The following CEP128 variants were observed in gnomAD, a reference collection of about 807,000 sequenced individuals.
CEP128 encodes the protein centrosomal protein 128kDa.
A neutral mutation model predicts 156.7 loss-of-function variants in CEP128; 132 were observed. The ratio of observed to expected loss-of-function variants is 0.84; its 90% CI spans 0.73 to 0.97. CEP128 has a LOEUF of 0.97. Ranked by LOEUF, CEP128 falls within the 50% of genes least tolerant of loss-of-function variation. The pLI is 0.00. For synonymous variants in CEP128, 469 were observed against 448.9 expected (o/e 1.04, Z -0.57); for missense variants, 1,252 against 1,281.9 (o/e 0.98, Z 0.36).
At chr14:80,597,492 T>C (rs1225682793) in intron 19 of CEP128, among the ~76,000 whole-genome samples, 1 of 152,078 alleles carries the variant, frequency 6.6e-6, no homozygotes, top group Non-Finnish European at 1.5e-5. Flanking sequence ...TTACCAAATG[T>C]TCAAAGAAGA....
intron 19 of CEP128, among the ~76,000 whole-genome samples, chr14:80,581,289 C>T (rs1891580628): frequency 6.6e-6 from 1 of 152,062 alleles, no homozygotes; most frequent in South Asian, 2.1e-4. Context: ...GAGTATTTGC[C>T]TTACTCTCTC....
At chr14:80,874,109 T>C (rs947242372) in intron 8 of CEP128, among the ~76,000 whole-genome samples, 3 of 152,172 alleles carry the variant, frequency 2.0e-5, no homozygotes, top group South Asian at 2.1e-4. Context: ...TATATCTATA[T>C]AGCAAGTGAA....
chr14:80,956,091 T>C (rs536479022), intron 2 of CEP128, among the ~76,000 whole-genome samples: 1 of 152,358 alleles, frequency 6.6e-6, no homozygotes, highest in South Asian at 2.1e-4. Flanking sequence ...AAAACTTTGG[T>C]GTACAATGAC....
intron 19 of CEP128, among the ~76,000 whole-genome samples, chr14:80,692,701 T>C (rs1566860346): frequency 1.3e-5 from 2 of 152,130 alleles, no homozygotes; most frequent in East Asian, 3.8e-4. Flanking sequence ...TTTCTAATTA[T>C]AAAAAGATAG....
Position 80,777,504 on chromosome 14 carries a change from C to T in CEP128, c.2376+378G>A, listed in dbSNP as rs138332895. On this transcript the variant is annotated intron_variant, in intron 16 of 24. Coordinates refer to ENST00000555265, the MANE Select transcript of CEP128 (RefSeq NM_152446.5). ...TAGCATTCTGTTATAGCAGCTCAAACAGACTAAGACACTAACTCAAAGAGT... is the reference window on the plus strand; with the variant it reads ...TAGCATTCTGTTATAGCAGCTCAAATAGACTAAGACACTAACTCAAAGAGT... Among the ~76,000 whole-genome samples, 3 of 152,268 alleles carry T rather than the reference C, an allele frequency of 2.0e-5. No individual in the cohort carries two copies. The East Asian group carries it at 5.8e-4, about 29-fold the overall frequency.
chr14:80,518,578 A>G (rs377717469), intron 23 of CEP128, among the ~76,000 whole-genome samples: 7 of 152,090 alleles, frequency 4.6e-5, no homozygotes, highest in Admixed American at 6.5e-5. Flanking sequence ...AAAATCTCCA[A>G]CTGTAATTAT....
At chr14:80,907,325 G>C (rs935048010) in intron 4 of CEP128, among the ~76,000 whole-genome samples, 1 of 152,018 alleles carries the variant, frequency 6.6e-6, no homozygotes, top group Non-Finnish European at 1.5e-5. Context: ...ACCTAAACTG[G>C]GATATGTACA....
At chr14:80,627,588 A>T (rs1456835532) in intron 19 of CEP128, among the ~76,000 whole-genome samples, 1 of 152,238 alleles carries the variant, frequency 6.6e-6, no homozygotes, top group East Asian at 1.9e-4. Context: ...ACTGCTAATA[A>T]GGTCAGCAAG....
At chr14:80,775,811 C>A (rs1490564187) in intron 16 of CEP128, among the ~76,000 whole-genome samples, 1 of 152,192 alleles carries the variant, frequency 6.6e-6, no homozygotes, top group Non-Finnish European at 1.5e-5. Flanking sequence ...TAAGCAGAAT[C>A]TGTGAAGCAG....
At chr14:80,858,816 C>T (rs1274668657) in intron 9 of CEP128, among the ~76,000 whole-genome samples, 8 of 152,160 alleles carry the variant, frequency 5.3e-5, no homozygotes, top group African/African-American at 7.2e-5. Context: ...TCACTGGCCA[C>T]CAGAGAAATG....
intron 24 of CEP128, among the ~76,000 whole-genome samples, chr14:80,501,784 C>T (rs1164678325): frequency 1.3e-5 from 2 of 151,866 alleles, no homozygotes; most frequent in Non-Finnish European, 2.9e-5. Flanking sequence ...CTTTGGTGTG[C>T]TCTTGAGGTA....
intron 19 of CEP128, among the ~76,000 whole-genome samples, chr14:80,648,861 C>A (rs191531417): frequency 9.3e-4 from 141 of 152,006 alleles, no homozygotes; most frequent in African/African-American, 3.2e-3. Flanking sequence ...AAAGGTAACA[C>A]CTAATTTCAG....
rs537930184 is a variant in CEP128, at chr14:80,719,802, G to C, written c.2806+23273C>G. Among the ~76,000 whole-genome samples, 81 of 152,298 alleles carry C rather than the reference G, an allele frequency of 5.3e-4. 1 individual carries two copies. Among genetic ancestry groups the C allele is most frequent in the South Asian group, 1.2e-3 (6 of 4,826 alleles). On this transcript the variant is annotated intron_variant, in intron 19 of 24. Coordinates refer to ENST00000555265, the MANE Select transcript of CEP128 (RefSeq NM_152446.5). ...AATCATGGCAATCCAGGAACTAAAA[G>C]ACAAGTATTTGTTTTCAACACATAG... is the stretch of plus-strand genomic sequence containing the variant.
At chr14:80,526,538 A>G (rs1266576420) in intron 23 of CEP128, 1 of 186,438 alleles carries the variant, frequency 5.4e-6, no homozygotes, top group Non-Finnish European at 1.1e-5. Context: ...AGACTTATAC[A>G]TAGAAGAAGG....
chr14:80,495,131 C>T (rs1887449034), downstream of CEP128, among the ~76,000 whole-genome samples: 1 of 152,166 alleles, frequency 6.6e-6, no homozygotes, highest in Non-Finnish European at 1.5e-5. Context: ...TAAAGTTTAT[C>T]CTTCCCAATG....
At chr14:80,930,994 G>A (rs1386003747) in intron 2 of CEP128, among the ~76,000 whole-genome samples, 1 of 152,220 alleles carries the variant, frequency 6.6e-6, no homozygotes, top group Non-Finnish European at 1.5e-5. Context: ...ACAGAGGATA[G>A]TGAGGTACAA....
At chr14:80,673,399 T>C (rs1895921286) in intron 19 of CEP128, among the ~76,000 whole-genome samples, 1 of 151,688 alleles carries the variant, frequency 6.6e-6, no homozygotes, top group African/African-American at 2.4e-5. Context: ...ATCCCAGCAC[T>C]TTGGGAGGCC....
chr14:80,866,905 C>T (rs1447364437), intron 8 of CEP128, among the ~76,000 whole-genome samples: 1 of 152,200 alleles, frequency 6.6e-6, no homozygotes, highest in Non-Finnish European at 1.5e-5. Context: ...GCACAATCCC[C>T]AGCAGATGCC....
intron 8 of CEP128, among the ~76,000 whole-genome samples, chr14:80,882,271 A>G (rs896584773): frequency 2.0e-5 from 3 of 152,292 alleles, no homozygotes; most frequent in Non-Finnish European, 2.9e-5. Flanking sequence ...AAATAGCTCA[A>G]TAGACATTTC....
Sources: allele counts gnomAD v4.1 joint callset (sites outside exome capture counted in the v4.1 genomes callset), GRCh38; gene constraint gnomAD v4.1.1; transcripts MANE v1.5; gene names NCBI Gene and HGNC (gene_info 2026-07-23, HGNC 2026-07-21).